The following PATJ variants were observed in gnomAD, a reference collection of about 807,000 sequenced individuals.
PATJ encodes inaD-like protein.
PATJ carries 190 observed loss-of-function variants against 224.9 expected under a neutral mutation model. The ratio of observed to expected loss-of-function variants is 0.84; its 90% CI spans 0.75 to 0.95. PATJ has a LOEUF of 0.95. PATJ is among the 40% of genes least tolerant of loss of function. PATJ has a pLI of 0.00. For missense variants in PATJ, 2,121 were observed against 2,270.3 expected (o/e 0.93, Z 1.34); for synonymous variants, 769 against 820.3 (o/e 0.94, Z 1.07).
intron 41 of PATJ, among the ~76,000 whole-genome samples, chr1:62,132,924 ATAAG>A (rs1284938493): frequency 3.3e-5 from 5 of 152,102 alleles, no homozygotes; most frequent in African/African-American, 9.7e-5. Context: ...AAAAAATTAC[ATAAG>A]TAAGTGAATA....
intron 17 of PATJ, among the ~76,000 whole-genome samples, chr1:61,839,316 C>T (rs866474559): frequency 1.3e-5 from 2 of 151,986 alleles, no homozygotes; most frequent in South Asian, 2.1e-4. Flanking sequence ...ATAGTATTCT[C>T]ATTTTTCATG....
intron 15 of PATJ, among the ~76,000 whole-genome samples, chr1:61,825,509 G>A (rs1658085556): frequency 6.6e-6 from 1 of 152,144 alleles, no homozygotes; most frequent in Non-Finnish European, 1.5e-5. Flanking sequence ...TGTCGTGTGT[G>A]TGTGTGTGTG....
intron 24 of PATJ, among the ~76,000 whole-genome samples, chr1:61,902,937 CA>C (rs1321481074): frequency 6.6e-6 from 1 of 152,058 alleles, no homozygotes; most frequent in Non-Finnish European, 1.5e-5. Flanking sequence ...GAAAAACATG[CA>C]AAAGCTCCGA....
rs989737270 is a variant in PATJ at position 62,038,846 on chromosome 1, A to G, written c.4032+797A>G. 13 of 719,506 alleles carry G rather than the reference A, an allele frequency of 1.8e-5. No homozygotes were observed. The African/African-American group carries it at 2.1e-4, about 12-fold the overall frequency. 44.6% of individuals were successfully genotyped at this position (719,506 alleles called of 1,614,324 possible). On this transcript the variant is annotated intron_variant, in intron 30 of 43. Coordinates refer to ENST00000642238, the MANE Select transcript of PATJ (RefSeq NM_001350145.3). ...CCGGGGTGGACGGTGGGTGGGATGG[A>G]GGCGACCTTGGAGCAGCGCATAGAA...
intron 27 of PATJ, among the ~76,000 whole-genome samples, chr1:61,975,822 C>T (rs763224464): frequency 6.6e-6 from 1 of 152,108 alleles, no homozygotes; most frequent in African/African-American, 2.4e-5. Flanking sequence ...TACCATACAT[C>T]AGCCCAAAGT....
intron 16 of PATJ, among the ~76,000 whole-genome samples, chr1:61,830,022 C>CA (rs1323280405): frequency 2.6e-5 from 4 of 152,182 alleles, no homozygotes; most frequent in Non-Finnish European, 5.9e-5. Context: ...ATGTTAGGTT[C>CA]AATCCACTGT....
At chr1:61,754,518 A>ATTTTTTTTTTTTTTTTTTTTT (rs1557582039) in intron 1 of PATJ, among the ~76,000 whole-genome samples, 2 of 108,416 alleles carry the variant, frequency 1.8e-5, no homozygotes. Context: ...AATTTTTTGC[A>ATTTTTTTTTTTTTTTTTTTTT]TGTTTTTTTT....
At chr1:61,837,502 A>G (rs1396732723) in intron 17 of PATJ, among the ~76,000 whole-genome samples, 1 of 152,174 alleles carries the variant, frequency 6.6e-6, no homozygotes, top group Admixed American at 6.5e-5. Context: ...AACTTTAGGA[A>G]AAGAGACCAG....
In PATJ at chr1:62,007,581, A is replaced by G. The variant is rs565661521; in HGVS notation, c.3868-10275A>G. On this transcript the variant is annotated intron_variant, in intron 28 of 43. Transcript: ENST00000642238. ...AGCAGGAGCCTAAGAAACCATATCA[A>G]TGAATACTTTTTGGTTGCAAAGAAC... 3.3e-5 allele frequency among the ~76,000 whole-genome samples: 5 copies of G among 152,330 alleles called. No individual in the cohort carries two copies. The East Asian group carries it at 7.7e-4, about 23-fold the overall frequency.
At chr1:62,155,739 C>T (rs1669120760) in intron 43 of PATJ, among the ~76,000 whole-genome samples, 1 of 151,136 alleles carries the variant, frequency 6.6e-6, no homozygotes, top group Non-Finnish European at 1.5e-5. Context: ...TCCAGTGGCC[C>T]ACTTAGCGCA....
chr1:62,085,678 G>A (rs2148762160), intron 33 of PATJ, among the ~76,000 whole-genome samples: 1 of 151,964 alleles, frequency 6.6e-6, no homozygotes, highest in African/African-American at 2.4e-5. Flanking sequence ...AATTAGCAAG[G>A]CATGGTGGCA....
At chr1:61,946,425 A>G (rs977265295) in intron 27 of PATJ, among the ~76,000 whole-genome samples, 1 of 152,226 alleles carries the variant, frequency 6.6e-6, no homozygotes, top group Admixed American at 6.5e-5. Flanking sequence ...ACCATCAGAG[A>G]ATACTATAAA....
At chr1:61,905,920 T>C (rs912472135) in intron 24 of PATJ, among the ~76,000 whole-genome samples, 2 of 152,176 alleles carry the variant, frequency 1.3e-5, no homozygotes, top group African/African-American at 4.8e-5. Context: ...CCAACTGTCT[T>C]ATAATTTAAT....
intron 31 of PATJ, among the ~76,000 whole-genome samples, chr1:62,070,636 G>A (rs1023058404): frequency 6.6e-6 from 1 of 152,190 alleles, no homozygotes; most frequent in African/African-American, 2.4e-5. Flanking sequence ...ATTACAAGAG[G>A]AGGTAATTTT....
intron 17 of PATJ, among the ~76,000 whole-genome samples, chr1:61,844,229 G>A (rs541639957): frequency 6.6e-6 from 1 of 152,232 alleles, no homozygotes; most frequent in Admixed American, 6.5e-5. Context: ...CTGCTGTGTG[G>A]ACAGTAAGGG....
rs116556566 is a variant in PATJ, at chr1:62,080,767, T to C, written c.4243+1200T>C. ...TGTGGTATTTGCCTTTTATATATTT[T>C]TTCATAAATATTAACTTCATAAAGT... On this transcript the variant is annotated intron_variant, in intron 32 of 43. Coordinates refer to ENST00000642238, the MANE Select transcript of PATJ (RefSeq NM_001350145.3). Among the ~76,000 whole-genome samples the C allele has an allele frequency of 1.0e-3, 151 of 149,994 alleles. 1 individual carries two copies. In the Middle Eastern group the frequency reaches 0.01, roughly 10 times the overall value.
intron 1 of PATJ, among the ~76,000 whole-genome samples, chr1:61,756,676 T>C (rs575573700): frequency 6.7e-6 from 1 of 148,174 alleles, no homozygotes; most frequent in East Asian, 2.1e-4. Context: ...CCTCCCGGGT[T>C]CAAGTGATTC....
chr1:62,100,449 T>G (rs1662013346), intron 33 of PATJ: 1 of 715,498 alleles, frequency 1.4e-6, no homozygotes, highest in Non-Finnish European at 2.6e-6. Flanking sequence ...CTGAACTCTT[T>G]TTATTAGGAA....
intron 43 of PATJ, among the ~76,000 whole-genome samples, chr1:62,159,477 C>T (rs1361578368): frequency 2.0e-5 from 3 of 152,126 alleles, no homozygotes; most frequent in Non-Finnish European, 4.4e-5. Flanking sequence ...CAGGCATGAG[C>T]CACCATGTCC....
Sources: allele counts gnomAD v4.1 joint callset (sites outside exome capture counted in the v4.1 genomes callset), GRCh38; gene constraint gnomAD v4.1.1; transcripts MANE v1.5; gene names NCBI Gene and HGNC (gene_info 2026-07-23, HGNC 2026-07-21).